MCM3: variants seen among roughly 807,000 people sequenced by gnomAD.
The protein encoded by MCM3 is DNA replication licensing factor MCM3.
MCM3 carries 59 observed loss-of-function variants against 91.3 expected under a neutral mutation model. The ratio of observed to expected loss-of-function variants is 0.65; its 90% CI spans 0.52 to 0.80. The LOEUF is 0.80. Ranked by LOEUF, MCM3 falls within the 30% of genes least tolerant of loss-of-function variation. MCM3 has a pLI of 0.00. For synonymous variants in MCM3, 383 were observed against 379.6 expected, an observed-to-expected ratio of 1.01 and a Z score of -0.10; for missense variants, 919 against 1,035.4, an observed-to-expected ratio of 0.89 and a Z score of 1.54.
chr6:52,275,637 A>G (rs1302117733), intron 9 of MCM3, among the ~76,000 whole-genome samples: 2 of 152,250 alleles, frequency 1.3e-5, no homozygotes, highest in African/African-American at 4.8e-5. Context: ...CTACAGCTTC[A>G]TTCAAAATAG....
chr6:52,264,835 C>G (rs781675224), intron 16 of MCM3, 49 bp from the exon 17 acceptor site: 1 of 1,531,476 alleles, frequency 6.5e-7, no homozygotes, highest in Admixed American at 1.7e-5. Flanking sequence ...AACCCAAATG[C>G]TCTCAGGAAA....
chr6:52,272,557 C>T lies in MCM3; in HGVS notation c.1677-106G>A, dbSNP rs1430474690. ...GCCAGGGTCAAAACAAAGCCTAGAACCCATTATCATAACTCCCATTTATAT... is the reference window on the plus strand; with the variant it reads ...GCCAGGGTCAAAACAAAGCCTAGAATCCATTATCATAACTCCCATTTATAT... On this transcript the variant is annotated intron_variant, in intron 11 of 16. Coordinates refer to ENST00000596288, the MANE Select transcript of MCM3 (RefSeq NM_002388.6). 52 of 1,223,508 alleles carry T rather than the reference C, an allele frequency of 4.3e-5. No individual in the cohort carries two copies. In the East Asian group the frequency reaches 1.2e-3, roughly 29 times the overall value. 75.8% of individuals were successfully genotyped at this position (1,223,508 alleles called of 1,614,324 possible).
At chr6:52,284,507 C>T in intron 1 of MCM3, 90 bp downstream of exon 1, 3 of 1,223,504 alleles carry the variant, frequency 2.5e-6, no homozygotes, top group Non-Finnish European at 3.4e-6. Flanking sequence ...GGCACACGGT[C>T]TGGAGGTCTG....
rs534390258 is a variant in MCM3, at chr6:52,278,362, T to C, written c.879+380A>G. ...TATGTAGTTCAATTCTAAATGTGGA[T>C]ATACATCCTATCTTAAAAAGATAAA... On this transcript the variant is annotated intron_variant, in intron 6 of 16. Transcript: ENST00000596288. 1.6e-3 allele frequency among the ~76,000 whole-genome samples: 247 copies of C among 152,306 alleles called. 1 individual carries two copies. Among genetic ancestry groups the C allele is most frequent in the Non-Finnish European group, 3.1e-3 (210 of 68,028 alleles).
intron 4 of MCM3, 35 bp from the exon 5 acceptor site, chr6:52,279,634 C>T (rs1562395321): frequency 6.7e-7 from 1 of 1,491,050 alleles, no homozygotes; most frequent in Admixed American, 1.9e-5. Context: ...AGAGTGATCT[C>T]CGTCCTGTCT....
chr6:52,283,816 ACT>A (rs1766381718), intron 1 of MCM3, among the ~76,000 whole-genome samples: 1 of 152,270 alleles, frequency 6.6e-6, no homozygotes, highest in Non-Finnish European at 1.5e-5. Context: ...ATGTTGTTTC[ACT>A]GTAGTAATCA....
At chr6:52,282,994 G>C in intron 2 of MCM3, 133 bp from the exon 3 acceptor site, 1 of 673,014 alleles carries the variant, frequency 1.5e-6, no homozygotes, top group South Asian at 1.9e-5. Context: ...ATAAGTCTCA[G>C]TAAAACACCA....
Position 52,276,400 on chromosome 6 carries a change from C to A in MCM3, c.1242G>T (p.Met414Ile), listed in dbSNP as rs1765566899. ...GVVCIDEFDK[M>I]SDMDRTAIHE... is the part of the protein sequence containing the mutation. ...GGATGGCTGTGCGATCCATGTCAGA[C>A]ATTTTGTCAAATTCATCAATGCAAA... The change falls in exon 9 of 17, where the codon ATG (methionine) becomes ATT (isoleucine). Residue 414 changes from methionine to isoleucine, a missense_variant. By Grantham distance (10) the Met-to-Ile change is conservative (BLOSUM62 1). Transcript: ENST00000596288. The A allele has an allele frequency of 6.2e-7, 1 of 1,614,120 alleles. No homozygotes were observed. Among genetic ancestry groups the A allele is most frequent in the African/African-American group, 1.3e-5 (1 of 74,944 alleles).
chr6:52,273,731 T>C lies in MCM3; in HGVS notation c.1549+11A>G, dbSNP rs535467867. 10 of 1,603,422 alleles carry C rather than the reference T, an allele frequency of 6.2e-6. No individual in the cohort carries two copies. In the East Asian group the frequency reaches 8.9e-5, roughly 14 times the overall value. On this transcript the variant is annotated intron_variant, in intron 10 of 16. Transcript: ENST00000596288. Reference sequence around the variant, plus strand: ...TTCCATTAGTTACTCTTACTATTCTTATGGCCTCACCATCGCCATCCTGCT... The same window carrying C: ...TTCCATTAGTTACTCTTACTATTCTCATGGCCTCACCATCGCCATCCTGCT...
rs775196293 is a variant in MCM3 at position 52,264,696 on chromosome 6, G to GTT, written c.2317_2318dup (p.Asn773LysfsTer18). The stretch of plus-strand genomic sequence containing the variant: ...AAGAGAAGGGCTCTTCGCTGTCCCG[G>GTT]TTGATGGATTCTGTGAGGCGATTCA... On this transcript the variant is annotated frameshift_variant, in exon 17 of 17. Coordinates refer to ENST00000596288, the MANE Select transcript of MCM3 (RefSeq NM_002388.6). LOFTEE classifies it high-confidence loss of function. 6.2e-7 allele frequency: 1 copy of GTT among 1,614,056 alleles called. No homozygotes were observed. Among genetic ancestry groups the GTT allele is most frequent in the African/African-American group, 1.3e-5 (1 of 74,930 alleles).
Position 52,282,774 on chromosome 6 carries a change from C to T in MCM3, c.279G>A (p.Lys93=). The T allele has an allele frequency of 6.2e-7, 1 of 1,614,066 alleles. No homozygotes were observed. The highest frequency in any genetic ancestry group is 1.1e-5 in the South Asian group (1 of 91,074). ...FVASIDATYA[K]QYEEFYVGLE... is the part of the protein sequence containing the mutation. Reference sequence around the variant, plus strand: ...GTCCTACGTAGAACTCCTCATACTGCTTGGCATAGGTAGCATCAATGGAGG... The same window carrying T: ...GTCCTACGTAGAACTCCTCATACTGTTTGGCATAGGTAGCATCAATGGAGG... Residue 93 remains lysine (K), a synonymous_variant, in exon 3 of 17, where the codon AAG becomes AAA. Coordinates refer to ENST00000596288, the MANE Select transcript of MCM3 (RefSeq NM_002388.6).
intron 9 of MCM3, among the ~76,000 whole-genome samples, chr6:52,275,529 G>A (rs17246373): frequency 7.9e-4 from 121 of 152,256 alleles, no homozygotes; most frequent in African/African-American, 2.9e-3. Context: ...TCTACCAAAA[G>A]AAAAATGCAC....
chr6:52,272,737 TTC>T lies in MCM3; in HGVS notation c.1677-288_1677-287del, dbSNP rs377437299. Among the ~76,000 whole-genome samples, 59 of 152,346 alleles carry T rather than the reference TTC, an allele frequency of 3.9e-4. 1 individual carries two copies. The highest frequency in any genetic ancestry group is 1.3e-3 in the African/African-American group (55 of 41,580). The stretch of plus-strand genomic sequence containing the variant: ...GAGAAGCTCAAGTTGACTAAAAGTT[TTC>T]TGACTCCAAATTCTACATTCTTAAA... On this transcript the variant is annotated intron_variant, in intron 11 of 16. Coordinates refer to ENST00000596288, the MANE Select transcript of MCM3 (RefSeq NM_002388.6).
chr6:52,276,396 C>A lies in MCM3; in HGVS notation c.1246G>T (p.Asp416Tyr). The change falls in exon 9 of 17, where the codon GAC (aspartate) becomes TAC (tyrosine). Residue 416 changes from aspartate to tyrosine, a missense_variant. Around this residue, in one of 3 missense-constraint regions of MCM3, gnomAD observed 233 missense variants for 321.2 expected, o/e 0.73. Transcript: ENST00000596288. ...VCIDEFDKMSDMDRTAIHEVM... is the reference protein window; with the variant it reads ...VCIDEFDKMSYMDRTAIHEVM... ...TCATGGATGGCTGTGCGATCCATGT[C>A]AGACATTTTGTCAAATTCATCAATG... 6.2e-7 allele frequency: 1 copy of A among 1,614,238 alleles called. No individual in the cohort carries two copies. The highest frequency in any genetic ancestry group is 8.5e-7 in the Non-Finnish European group (1 of 1,180,052).
intron 4 of MCM3, among the ~76,000 whole-genome samples, chr6:52,281,801 A>C (rs1024474829): frequency 1.1e-4 from 16 of 152,162 alleles, no homozygotes; most frequent in African/African-American, 3.9e-4. Context: ...ACCTGCAAAT[A>C]CCCACTGCAC....
chr6:52,269,194 A>C lies in MCM3; in HGVS notation c.1860T>G (p.Thr620=). Residue 620 remains threonine, a synonymous_variant, in exon 13 of 17, where the codon ACT becomes ACG. Transcript: ENST00000596288. ...TSPVTARTLE[T]LIRLATAHAK... Reference sequence around the variant, plus strand: ...CATGGGCTGTGGCCAGTCGAATCAGAGTTTCCAGTGTTCGGGCTGTAACTG... The same window carrying C: ...CATGGGCTGTGGCCAGTCGAATCAGCGTTTCCAGTGTTCGGGCTGTAACTG... 6.2e-7 allele frequency: 1 copy of C among 1,613,174 alleles called. No homozygotes were observed.
In MCM3 at chr6:52,283,311, G is replaced by C. The variant is rs376784894; in HGVS notation, c.174C>G (p.Asn58Lys). The change falls in exon 2 of 17, where the codon AAC (asparagine) becomes AAG (lysine). Residue 58 changes from asparagine to lysine, a missense_variant. This residue lies in a region of MCM3 where 401 missense variants were observed against 402.7 expected (regional missense o/e 1.00). Coordinates refer to ENST00000596288, the MANE Select transcript of MCM3 (RefSeq NM_002388.6). The part of the protein sequence containing the change: ...IVNVNDLRRK[N>K]EKRANRLLNN... ...CCTCTCACCGGTTAGCCCTCTTCTC[G>C]TTTTTCCTGCGCAGGTCATTCACAT... 2 of 1,613,922 alleles carry C rather than the reference G, an allele frequency of 1.2e-6. No individual in the cohort carries two copies. The highest frequency in any genetic ancestry group is 1.3e-5 in the African/African-American group (1 of 74,890).
chr6:52,268,911 G>C (rs1304324986), intron 13 of MCM3, among the ~76,000 whole-genome samples, 175 bp downstream of exon 13: 1 of 152,238 alleles, frequency 6.6e-6, no homozygotes, highest in Non-Finnish European at 1.5e-5. Flanking sequence ...TGCAGTCAGG[G>C]TTGAGAATCA....
At chr6:52,269,030 A>G (rs1764872266) in intron 13 of MCM3, 56 bp downstream of exon 13, 3 of 1,548,230 alleles carry the variant, frequency 1.9e-6, no homozygotes, top group Admixed American at 1.8e-5. Context: ...TGGGAAGCCC[A>G]TGCATCTGTA....
Sources: allele counts gnomAD v4.1 joint callset (sites outside exome capture counted in the v4.1 genomes callset), GRCh38; gene constraint gnomAD v4.1.1; regional missense constraint gnomAD v4.1.1; transcripts MANE v1.5; gene names NCBI Gene and HGNC (gene_info 2026-07-23, HGNC 2026-07-21).